Variants in DKK3 observed in about 807,000 individuals in gnomAD.
The protein encoded by DKK3 is dickkopf-related protein 3.
DKK3 carries 22 observed loss-of-function variants against 33.2 expected under a neutral mutation model. The ratio of observed to expected loss-of-function variants is 0.66; its 90% CI spans 0.47 to 0.95. DKK3 has a LOEUF of 0.95. Among genes scored for constraint, DKK3 ranks in the 40% least tolerant of loss-of-function variants. The probability of loss-of-function intolerance (pLI) is 0.00; values close to 1 mark genes in which losing one functional copy is unlikely to be tolerated. For synonymous variants in DKK3, 194 were observed against 188.8 expected, an observed-to-expected ratio of 1.03 and a Z score of -0.23; for missense variants, 398 against 458.4, an observed-to-expected ratio of 0.87 and a Z score of 1.20.
At chr11:12,007,556 T>C (rs1444175093) in intron 1 of DKK3, among the ~76,000 whole-genome samples, 2 of 151,970 alleles carry the variant, frequency 1.3e-5, no homozygotes, top group Non-Finnish European at 2.9e-5. Context: ...GACCTGGAGG[T>C]GATGGAGGGC....
Position 11,964,329 on chromosome 11 carries a change from T to A in DKK3, c.*135A>T. On this transcript the variant is annotated 3_prime_UTR_variant, in exon 7 of 7. Coordinates refer to ENST00000683431, the MANE Select transcript of DKK3 (RefSeq NM_001018057.2). Reference sequence around the variant, plus strand: ...AGCTGAACAAATGCACAACACCTCATGCTGTCAAGCCAGAGGGGAAACTTA... The same window carrying A: ...AGCTGAACAAATGCACAACACCTCAAGCTGTCAAGCCAGAGGGGAAACTTA... 3 of 1,115,958 alleles carry A rather than the reference T, an allele frequency of 2.7e-6. No individual in the cohort carries two copies. Among genetic ancestry groups the A allele is most frequent in the Non-Finnish European group, 3.8e-6 (3 of 781,584 alleles). 69.1% of individuals were successfully genotyped at this position (1,115,958 alleles called of 1,614,324 possible). A position where few individuals can be genotyped will look rare whatever the true frequency, so the allele number is the denominator to read the frequency against.
intron 3 of DKK3, among the ~76,000 whole-genome samples, chr11:11,969,900 G>A (rs185441256): frequency 6.6e-6 from 1 of 152,324 alleles, no homozygotes; most frequent in East Asian, 1.9e-4. Flanking sequence ...TACCATCGCT[G>A]TTTTTACGGA....
chr11:11,990,303 A>G (rs570213397), intron 3 of DKK3, among the ~76,000 whole-genome samples: 28 of 152,224 alleles, frequency 1.8e-4, no homozygotes, highest in Non-Finnish European at 4.0e-4. Context: ...TTCAAGTTCA[A>G]TTACTGTCAC....
chr11:11,968,791 G>A, intron 3 of DKK3: 1 of 275,586 alleles, frequency 3.6e-6, no homozygotes. Flanking sequence ...AGGGACTCAG[G>A]GCTGGTCTTC....
chr11:11,968,578 C>A, intron 3 of DKK3, 91 bp from the exon 4 acceptor site: 1 of 1,231,874 alleles, frequency 8.1e-7, no homozygotes, highest in Non-Finnish European at 1.1e-6. Flanking sequence ...CTTCCATTCC[C>A]CATTCTTGAC....
intron 3 of DKK3, among the ~76,000 whole-genome samples, chr11:11,969,857 A>G (rs1847686548): frequency 6.6e-6 from 1 of 152,184 alleles, no homozygotes; most frequent in South Asian, 2.1e-4. Context: ...TGTTTCAGTT[A>G]CTTTCCCAGC....
At position 11,998,793 on chromosome 11, in the gene DKK3, G is replaced by C. The variant is rs778812450; in HGVS notation, c.352-14C>G. The C allele has an allele frequency of 1.3e-5, 21 of 1,603,874 alleles. No individual in the cohort carries two copies. Among genetic ancestry groups the C allele is most frequent in the Non-Finnish European group, 1.7e-5 (20 of 1,170,978 alleles). ...GTTGTTGGTTATCTACAGTAAAACA[G>C]GTACAATGAAAGTAAAATAGAAGGA... On this transcript the variant is annotated splice_polypyrimidine_tract_variant and intron_variant, in intron 2 of 6. Coordinates refer to ENST00000683431, the MANE Select transcript of DKK3 (RefSeq NM_001018057.2).
intron 3 of DKK3, among the ~76,000 whole-genome samples, chr11:11,976,752 T>A (rs912634183): frequency 2.0e-5 from 3 of 152,208 alleles, no homozygotes; most frequent in African/African-American, 2.4e-5. Flanking sequence ...TTAGCAACAG[T>A]GCCCTGAGGA....
chr11:11,979,597 C>T (rs1847912917), intron 3 of DKK3: 1 of 152,366 alleles, frequency 6.6e-6, no homozygotes, highest in Non-Finnish European at 1.5e-5. Context: ...AGGAGGGACT[C>T]TGGTGGTTTG....
At chr11:11,993,081 A>G (rs1336055800) in intron 3 of DKK3, among the ~76,000 whole-genome samples, 1 of 152,210 alleles carries the variant, frequency 6.6e-6, no homozygotes, top group Non-Finnish European at 1.5e-5. Context: ...AATTTTAGAT[A>G]TGCATACCCT....
Position 11,965,826 on chromosome 11 carries a change from G to A in DKK3, c.813C>T (p.Leu271=). The part of the protein sequence containing the change: ...ALDRCPCASG[L]LCQPHSHSLV... ...GGCCTCACCTGTGGGGCTGGCAGAG[G>A]AGGCCACTGGCACAAGGGCATCGGT... is the stretch of plus-strand genomic sequence containing the variant. Residue 271 remains leucine (L), a synonymous_variant, in exon 6 of 7, where the codon CTC becomes CTT. Transcript: ENST00000683431. The A allele has an allele frequency of 6.2e-7, 1 of 1,614,092 alleles. No homozygotes were observed. The highest frequency in any genetic ancestry group is 1.1e-5 in the South Asian group (1 of 91,082).
chr11:12,008,400 C>G lies in DKK3; in HGVS notation c.183G>C (p.Thr61=). The change falls in exon 1 of 7, where the codon ACG becomes ACC. Residue 61 remains threonine, a synonymous_variant. Transcript: ENST00000683431. This position sits in a 1 kb window ranked among gnomAD's most constrained non-coding sequence, Gnocchi z 4.6. ...CCACCGCGCTGCGCAATTTGTGCTG[C>G]GTGTCCTCCATCAGTTCCTCAACCT... ...FREVEELMED[T]QHKLRSAVEE... 1 of 1,608,112 alleles carries G rather than the reference C, an allele frequency of 6.2e-7. No homozygotes were observed. Among genetic ancestry groups the G allele is most frequent in the Non-Finnish European group, 8.5e-7 (1 of 1,178,336 alleles).
intron 3 of DKK3, among the ~76,000 whole-genome samples, chr11:11,996,041 T>G (rs78608462): frequency 0.014 from 2,136 of 152,314 alleles, 36 homozygotes; most frequent in African/African-American, 0.048. Context: ...GGGTGTGTGG[T>G]GATTACTTTT....
intron 3 of DKK3, among the ~76,000 whole-genome samples, chr11:11,984,172 T>C (rs1189277109): frequency 6.6e-6 from 1 of 152,232 alleles, no homozygotes; most frequent in Non-Finnish European, 1.5e-5. Context: ...TGTTCTCCTG[T>C]TCTCAGTATA....
rs1220580409 is a variant in DKK3, at chr11:11,986,800, AAAT to A, written c.435+11893_435+11895del. Among the ~76,000 whole-genome samples, 4 of 152,202 alleles carry A rather than the reference AAAT, an allele frequency of 2.6e-5. No homozygotes were observed. In the East Asian group the frequency reaches 7.7e-4, roughly 29 times the overall value. The stretch of plus-strand genomic sequence containing the variant: ...TTAAACTCCAGTGCCCTCATCTATA[AAAT>A]AATATTATATCTACTTCATAGTGTT... On this transcript the variant is annotated intron_variant, in intron 3 of 6. Coordinates refer to ENST00000683431, the MANE Select transcript of DKK3 (RefSeq NM_001018057.2).
At chr11:11,984,597 G>A (rs1848024943) in intron 3 of DKK3, among the ~76,000 whole-genome samples, 1 of 149,994 alleles carries the variant, frequency 6.7e-6, no homozygotes, top group African/African-American at 2.5e-5. Flanking sequence ...CTGCTTCAGT[G>A]TCCCTAATCC....
chr11:11,989,948 G>A (rs536716896), intron 3 of DKK3, among the ~76,000 whole-genome samples: 78 of 152,324 alleles, frequency 5.1e-4, no homozygotes, highest in Non-Finnish European at 1.0e-3. Flanking sequence ...TCGTGTGAAG[G>A]AATGCAAGTC....
intron 3 of DKK3, among the ~76,000 whole-genome samples, chr11:11,986,501 A>G (rs886560119): frequency 6.6e-6 from 1 of 152,128 alleles, no homozygotes; most frequent in African/African-American, 2.4e-5. Flanking sequence ...CATCCCTGGG[A>G]GAGGAAAACC....
intron 3 of DKK3, among the ~76,000 whole-genome samples, chr11:11,990,487 G>A (rs1007266912): frequency 6.6e-6 from 1 of 152,270 alleles, no homozygotes; most frequent in Non-Finnish European, 1.5e-5. Context: ...CGCCACGAAT[G>A]TCTGTCTTCC....
Sources: gnomAD v4.1 joint callset for allele counts (sites outside exome capture counted in the v4.1 genomes callset) on GRCh38, gnomAD v4.1.1 for gene constraint, Gnocchi (gnomAD v3.1) non-coding constraint, MANE v1.5 for transcripts, NCBI Gene and HGNC (gene_info 2026-07-23, HGNC 2026-07-21) for gene names.